Variants in IL10RB observed in about 807,000 individuals in gnomAD.
IL10RB encodes interleukin 10 receptor subunit beta.
Under a neutral mutation model 38.7 loss-of-function variants are expected in IL10RB, and 30 were observed. The observed-to-expected ratio is 0.78, with a 90% confidence interval of 0.58 to 1.05. The LOEUF (loss-of-function observed/expected upper bound fraction) is 1.05, where lower values mean the gene tolerates loss of function less well. Ranked by LOEUF, IL10RB falls within the 50% of genes least tolerant of loss-of-function variation. The pLI is 0.00. For synonymous variants in IL10RB, 142 were observed against 145.9 expected (o/e 0.97, Z 0.19); for missense variants, 328 against 397.1 (o/e 0.83, Z 1.48).
At chr21:33,272,408 G>T (rs1023248156) in intron 2 of IL10RB, among the ~76,000 whole-genome samples, 2 of 152,036 alleles carry the variant, frequency 1.3e-5, no homozygotes, top group African/African-American at 4.8e-5. Context: ...CAATCAGATA[G>T]CTCCTCACTT....
intron 2 of IL10RB, among the ~76,000 whole-genome samples, chr21:33,274,187 A>G (rs1385525655): frequency 6.6e-6 from 1 of 151,848 alleles, no homozygotes; most frequent in Non-Finnish European, 1.5e-5. Flanking sequence ...ATTTTATTTC[A>G]TTTTATTTTA....
chr21:33,291,744 C>T (rs904592746), intron 6 of IL10RB, among the ~76,000 whole-genome samples: 4 of 152,172 alleles, frequency 2.6e-5, no homozygotes, highest in African/African-American at 9.7e-5. Context: ...CAGAGTGGTG[C>T]AAGAGTCGAC....
chr21:33,291,116 C>T (rs1989478456), intron 6 of IL10RB, among the ~76,000 whole-genome samples: 1 of 152,144 alleles, frequency 6.6e-6, no homozygotes, highest in African/African-American at 2.4e-5. Context: ...GTGTCTGTGT[C>T]CACATTGCCC....
chr21:33,272,304 A>C (rs1735315443), intron 2 of IL10RB, among the ~76,000 whole-genome samples: 1 of 152,204 alleles, frequency 6.6e-6, no homozygotes, highest in African/African-American at 2.4e-5. Flanking sequence ...TACTTAATAA[A>C]TGTTGGCTGT....
intron 6 of IL10RB, 121 bp downstream of exon 6, chr21:33,288,382 C>G (rs1989419338): frequency 3.0e-6 from 1 of 337,274 alleles, no homozygotes; most frequent in Admixed American, 4.1e-5. Flanking sequence ...CGCGCGCGCG[C>G]ACACACACAC....
At chr21:33,301,496 G>A (rs1305859289), downstream of IL10RB, among the ~76,000 whole-genome samples, 7 of 152,342 alleles carry the variant, frequency 4.6e-5, no homozygotes, top group South Asian at 1.2e-3. Flanking sequence ...GTCATGGCAA[G>A]GACAGACTTT....
chr21:33,292,457 C>T (rs139477203), intron 6 of IL10RB, among the ~76,000 whole-genome samples: 15 of 152,240 alleles, frequency 9.9e-5, no homozygotes, highest in East Asian at 5.8e-4. Flanking sequence ...GACACAGACA[C>T]GGTGCGACAG....
At position 33,296,880 on chromosome 21, in the gene IL10RB, G is replaced by A. The variant is rs2082969538; in HGVS notation, c.*523G>A. 1 of 242,158 alleles carries A rather than the reference G, an allele frequency of 4.1e-6. No individual in the cohort carries two copies. Among genetic ancestry groups the A allele is most frequent in the Non-Finnish European group, 8.2e-6 (1 of 121,426 alleles). 15.0% of individuals were successfully genotyped at this position (242,158 alleles called of 1,614,324 possible). A position where few individuals can be genotyped will look rare whatever the true frequency, so the allele number is the denominator to read the frequency against. On this transcript the variant is annotated 3_prime_UTR_variant, in exon 7 of 7. Transcript: ENST00000290200. ...GGAGAATTGCATGAACCCGGGAGGA[G>A]GAGGAGGAGGTTGCAGTGAGCCGAG... is the stretch of plus-strand genomic sequence containing the variant.
rs8178495 is a variant in IL10RB, at chr21:33,280,988, T to C, written c.498+1070T>C. Reference sequence around the variant, plus strand: ...CTTATAAACACTAGAAATTTATTTCTCACAGTTCTGCAGGCTGGGAAGTCC... The same window carrying C: ...CTTATAAACACTAGAAATTTATTTCCCACAGTTCTGCAGGCTGGGAAGTCC... On this transcript the variant is annotated intron_variant, in intron 4 of 6. Transcript: ENST00000290200. 3.6e-3 allele frequency among the ~76,000 whole-genome samples: 543 copies of C among 152,310 alleles called. 4 individuals carry two copies. Among genetic ancestry groups the C allele is most frequent in the African/African-American group, 0.013 (520 of 41,570 alleles).
chr21:33,308,448 G>C (rs1317413140), intron 1 of IL10RB: 3 of 152,198 alleles, frequency 2.0e-5, no homozygotes, highest in Non-Finnish European at 1.5e-5. Flanking sequence ...TGAGATTGCT[G>C]TTTTATAAAA....
chr21:33,287,524 A>C (rs890146537), intron 5 of IL10RB, among the ~76,000 whole-genome samples: 1 of 152,068 alleles, frequency 6.6e-6, no homozygotes, highest in African/African-American at 2.4e-5. Flanking sequence ...ATACCCAGCT[A>C]ATTTTTAAAA....
At chr21:33,296,039 G>A (rs1269914108) in intron 6 of IL10RB, 145 bp from the exon 7 acceptor site, 1 of 460,208 alleles carries the variant, frequency 2.2e-6, no homozygotes. Flanking sequence ...GCAAGACTCT[G>A]TCTCAAAAAA....
Position 33,295,378 on chromosome 21 carries a change from AG to A in IL10RB, c.805-805del, listed in dbSNP as rs2082960599. On this transcript the variant is annotated intron_variant, in intron 6 of 6. Transcript: ENST00000290200. ...GTCTGAAAAAAAAAAAAAAAAAAAA[AG>A]TCCAAAGATTGGCCGGGCATGGTGG... is the stretch of plus-strand genomic sequence containing the variant. Among the ~76,000 whole-genome samples the A allele has an allele frequency of 1.1e-4, 16 of 146,464 alleles. No individual in the cohort carries two copies. In the South Asian group the frequency reaches 3.5e-3, roughly 32 times the overall value.
At chr21:33,285,682 A>C (rs904997184) in intron 5 of IL10RB, among the ~76,000 whole-genome samples, 3 of 152,196 alleles carry the variant, frequency 2.0e-5, no homozygotes, top group African/African-American at 7.2e-5. Context: ...ACCCAAAATA[A>C]AATAACAGGG....
At chr21:33,268,220 T>A in intron 1 of IL10RB, 174 bp from the exon 2 acceptor site, 1 of 1,519,910 alleles carries the variant, frequency 6.6e-7, no homozygotes, top group Middle Eastern at 1.9e-4. Context: ...TCCTCACGGC[T>A]GTTCAAAGAA....
In IL10RB at chr21:33,296,338, G is replaced by A; in HGVS notation, c.959G>A (p.Gly320Glu). 6.2e-7 allele frequency: 1 copy of A among 1,613,810 alleles called. No homozygotes were observed. The highest frequency in any genetic ancestry group is 8.5e-7 in the Non-Finnish European group (1 of 1,179,988). ...AGCTGCAGCCTCGGGACCCCGCCTG[G>A]GCAGGGGCCCCAAAGCTAGGCTCTG... is the stretch of plus-strand genomic sequence containing the variant. ...GDSCSLGTPP[G>E]QGPQS is the part of the protein sequence containing the mutation. The change falls in exon 7 of 7, where the codon GGG becomes GAG. Residue 320 changes from glycine to glutamate, a missense_variant. Physicochemically the swap from Gly to Glu is moderately conservative, Grantham distance 98. Transcript: ENST00000290200.
In IL10RB at chr21:33,296,501, C is replaced by A; in HGVS notation, c.*144C>A. The A allele has an allele frequency of 1.3e-6, 1 of 788,658 alleles. No homozygotes were observed. Among genetic ancestry groups the A allele is most frequent in the Non-Finnish European group, 2.2e-6 (1 of 463,214 alleles). The allele number at this position is 788,658 out of a possible 1,614,324, so 48.9% of individuals were successfully genotyped here. On this transcript the variant is annotated 3_prime_UTR_variant, in exon 7 of 7. Coordinates refer to ENST00000290200, the MANE Select transcript of IL10RB (RefSeq NM_000628.5). The stretch of plus-strand genomic sequence containing the variant: ...AGAACTCCCAGACCCTGGACTTAGC[C>A]ACCAGAGAGCTACATTTTAAAGGCT...
chr21:33,306,596 G>A (rs1477456506), intron 1 of IL10RB, among the ~76,000 whole-genome samples: 1 of 152,066 alleles, frequency 6.6e-6, no homozygotes, highest in African/African-American at 2.4e-5. Flanking sequence ...GCAGTGGTGC[G>A]ATCATGGCTC....
rs532032134 is a variant in IL10RB, at chr21:33,292,753, C to G, written c.805-3431C>G. On this transcript the variant is annotated intron_variant, in intron 6 of 6. Coordinates refer to ENST00000290200, the MANE Select transcript of IL10RB (RefSeq NM_000628.5). ...CTTGGGATTTGCCATAAACTCCACC[C>G]AGCATCTTTTCCCACCCCAGACACT... 2.6e-5 allele frequency among the ~76,000 whole-genome samples: 4 copies of G among 152,312 alleles called. No homozygotes were observed. In the South Asian group the frequency reaches 8.3e-4, roughly 32 times the overall value.
Sources: allele counts gnomAD v4.1 joint callset (sites outside exome capture counted in the v4.1 genomes callset), GRCh38; gene constraint gnomAD v4.1.1; transcripts MANE v1.5; gene names NCBI Gene and HGNC (gene_info 2026-07-23, HGNC 2026-07-21).